The following ERBB4 variants were observed in gnomAD, a reference collection of about 807,000 sequenced individuals.
ERBB4 encodes erb-b2 receptor tyrosine kinase 4.
ERBB4 carries 42 observed loss-of-function variants against 158.0 expected under a neutral mutation model. The observed-to-expected ratio is 0.27, with a 90% confidence interval of 0.21 to 0.34. The LOEUF (loss-of-function observed/expected upper bound fraction) is 0.34, where lower values mean the gene tolerates loss of function less well. ERBB4 is among the 10% of genes least tolerant of loss of function. ERBB4 has a pLI of 1.00. For missense variants in ERBB4, 1,333 were observed against 1,624.1 expected, an observed-to-expected ratio of 0.82 and a Z score of 3.08; for synonymous variants, 583 against 558.7, an observed-to-expected ratio of 1.04 and a Z score of -0.61.
At chr2:211,525,307 G>C (rs1037854738) in intron 20 of ERBB4, among the ~76,000 whole-genome samples, 1 of 152,124 alleles carries the variant, frequency 6.6e-6, no homozygotes, top group African/African-American at 2.4e-5. Flanking sequence ...GGAAAGGAGA[G>C]GGAAATGTAA....
intron 1 of ERBB4, among the ~76,000 whole-genome samples, chr2:212,312,391 G>T (rs1475689832): frequency 6.6e-6 from 1 of 150,772 alleles, no homozygotes; most frequent in Non-Finnish European, 1.5e-5. Flanking sequence ...AAATTATGCA[G>T]TTTGTCCATG....
chr2:211,496,548 A>G (rs2065474451), intron 20 of ERBB4, among the ~76,000 whole-genome samples: 1 of 152,020 alleles, frequency 6.6e-6, no homozygotes, highest in South Asian at 2.1e-4. Context: ...TAAAAAAAAA[A>G]AAATCCAAAT....
intron 20 of ERBB4, among the ~76,000 whole-genome samples, chr2:211,521,403 C>G (rs2066181571): frequency 6.6e-6 from 1 of 152,026 alleles, no homozygotes; most frequent in Non-Finnish European, 1.5e-5. Context: ...TGAAGGCTGA[C>G]AGAAGTAAGG....
intron 19 of ERBB4, among the ~76,000 whole-genome samples, chr2:211,603,057 T>C (rs2068847907): frequency 6.6e-6 from 1 of 151,812 alleles, no homozygotes; most frequent in Non-Finnish European, 1.5e-5. Flanking sequence ...ATGGTGAAAC[T>C]CCATCTCTAC....
At chr2:212,157,902 A>AGTTGTATAGGCAACATGGTGACAGAAT (rs2081089630) in intron 1 of ERBB4, among the ~76,000 whole-genome samples, 4 of 152,044 alleles carry the variant, frequency 2.6e-5, no homozygotes, top group Non-Finnish European at 5.9e-5. Flanking sequence ...CCTGCTCTTA[A>AGTTGTATAGGCAACATGGTGACAGAAT]CAGTCTTGAC....
chr2:212,324,169 C>A, intron 1 of ERBB4, among the ~76,000 whole-genome samples: 1 of 150,748 alleles, frequency 6.6e-6, no homozygotes, highest in South Asian at 2.1e-4. Context: ...CACGAATAAC[C>A]AGCAAGGCCT....
At chr2:211,488,185 C>T (rs1040998401) in intron 20 of ERBB4, among the ~76,000 whole-genome samples, 5 of 152,070 alleles carry the variant, frequency 3.3e-5, no homozygotes, top group Non-Finnish European at 7.4e-5. Context: ...CTTCCCCCAG[C>T]ATGTACACTT....
At chr2:212,260,595 T>C (rs756942591) in intron 1 of ERBB4, among the ~76,000 whole-genome samples, 15 of 151,898 alleles carry the variant, frequency 9.9e-5, no homozygotes, top group Non-Finnish European at 2.9e-5. Context: ...GGCAGATCAC[T>C]TGAGGTCAGG....
intron 19 of ERBB4, among the ~76,000 whole-genome samples, chr2:211,594,176 C>T (rs1357627579): frequency 1.3e-5 from 2 of 152,182 alleles, no homozygotes; most frequent in Non-Finnish European, 2.9e-5. Flanking sequence ...GTGGCTCACA[C>T]CTATAATCCC....
At chr2:211,762,536 C>A (rs1014475101) in intron 4 of ERBB4, among the ~76,000 whole-genome samples, 1 of 152,108 alleles carries the variant, frequency 6.6e-6, no homozygotes, top group African/African-American at 2.4e-5. Flanking sequence ...ATGGATGGAG[C>A]AATGGTGGAT....
chr2:211,912,649 A>C (rs889806350), intron 3 of ERBB4, among the ~76,000 whole-genome samples: 3 of 152,210 alleles, frequency 2.0e-5, no homozygotes, highest in African/African-American at 7.2e-5. Flanking sequence ...TTTACCCCAA[A>C]ATATATCTCT....
intron 2 of ERBB4, among the ~76,000 whole-genome samples, chr2:212,032,206 A>G (rs1157406321): frequency 6.6e-6 from 1 of 152,064 alleles, no homozygotes; most frequent in African/African-American, 2.4e-5. Flanking sequence ...AGTTACAGCT[A>G]TTTAAAGTAA....
intron 1 of ERBB4, among the ~76,000 whole-genome samples, chr2:212,293,873 A>AAAAT (rs1553612446): frequency 1.4e-5 from 2 of 146,058 alleles, no homozygotes; most frequent in African/African-American, 5.3e-5. Context: ...AAAAAAAAAA[A>AAAAT]CATACATTTG....
intron 25 of ERBB4, among the ~76,000 whole-genome samples, chr2:211,408,498 T>C (rs1357818032): frequency 6.6e-6 from 1 of 152,172 alleles, no homozygotes; most frequent in African/African-American, 2.4e-5. Context: ...GTTGCTCAAG[T>C]GTAAAATAAT....
At chr2:212,060,959 T>TA (rs2077744277) in intron 2 of ERBB4, among the ~76,000 whole-genome samples, 1 of 145,812 alleles carries the variant, frequency 6.9e-6, no homozygotes, top group East Asian at 2.0e-4. Context: ...TAAAGTATGA[T>TA]AATAAATAAA....
chr2:211,486,733 TGAAA>T lies in ERBB4; in HGVS notation c.2488-55637_2488-55634del, dbSNP rs540634566. 3.3e-5 allele frequency among the ~76,000 whole-genome samples: 5 copies of T among 152,198 alleles called. No individual in the cohort carries two copies. In the East Asian group the frequency reaches 9.7e-4, roughly 29 times the overall value. ...AATCTTACTCCACATTACATCCACA[TGAAA>T]AATGTGGGTGATGTTAGCACCCAAA... is the stretch of plus-strand genomic sequence containing the variant. On this transcript the variant is annotated intron_variant, in intron 20 of 27. Coordinates refer to ENST00000342788, the MANE Select transcript of ERBB4 (RefSeq NM_005235.3).
chr2:211,495,117 A>G (rs75531709), intron 20 of ERBB4, among the ~76,000 whole-genome samples: 1 of 152,080 alleles, frequency 6.6e-6, no homozygotes, highest in Non-Finnish European at 1.5e-5. Flanking sequence ...AAAAAAGTAT[A>G]ACTTAAATGT....
intron 20 of ERBB4, among the ~76,000 whole-genome samples, chr2:211,526,746 A>G (rs2066358780): frequency 6.6e-6 from 1 of 151,418 alleles, no homozygotes; most frequent in South Asian, 2.1e-4. Context: ...CAAAGAGAGT[A>G]AGTTAATTAA....
chr2:212,398,702 GATA>G (rs2091101345), intron 1 of ERBB4, among the ~76,000 whole-genome samples: 1 of 151,924 alleles, frequency 6.6e-6, no homozygotes, highest in African/African-American at 2.4e-5. Flanking sequence ...TTAAAAGAAG[GATA>G]ATTTTACATG....
Sources: gnomAD v4.1 joint callset for allele counts (sites outside exome capture counted in the v4.1 genomes callset) on GRCh38, gnomAD v4.1.1 for gene constraint, MANE v1.5 for transcripts, NCBI Gene and HGNC (gene_info 2026-07-23, HGNC 2026-07-21) for gene names.